Variants in IQSEC1 observed in about 807,000 individuals in gnomAD.
The protein encoded by IQSEC1 is IQ motif and Sec7 domain ArfGEF 1.
Under a neutral mutation model 91.0 loss-of-function variants are expected in IQSEC1, and 31 were observed. The ratio of observed to expected loss-of-function variants is 0.34; its 90% CI spans 0.26 to 0.46. The LOEUF is 0.46. Among genes scored for constraint, IQSEC1 ranks in the 20% least tolerant of loss-of-function variants. IQSEC1 has a pLI of 1.00. For synonymous variants in IQSEC1, 699 were observed against 662.6 expected (o/e 1.05, Z -0.84); for missense variants, 1,388 against 1,575.6 (o/e 0.88, Z 2.02).
chr3:12,906,765 G>C (rs1695032722), intron 12 of IQSEC1, among the ~76,000 whole-genome samples: 1 of 152,246 alleles, frequency 6.6e-6, no homozygotes, highest in African/African-American at 2.4e-5. Flanking sequence ...CCCTGGGGCG[G>C]ATGGCGCTCA....
At chr3:13,047,951 G>A (rs149260155) in intron 1 of IQSEC1, among the ~76,000 whole-genome samples, 39 of 152,238 alleles carry the variant, frequency 2.6e-4, no homozygotes, top group African/African-American at 7.2e-4. Flanking sequence ...CCTCCATGCC[G>A]GCAGCCCAGG....
At chr3:13,051,930 T>C (rs947101698) in intron 1 of IQSEC1, among the ~76,000 whole-genome samples, 5 of 152,030 alleles carry the variant, frequency 3.3e-5, no homozygotes, top group Non-Finnish European at 2.9e-5. Context: ...TATTTTGAAA[T>C]AACCATAGAT....
At chr3:13,053,069 C>T (rs772876462) in intron 1 of IQSEC1, 2 of 1,074,396 alleles carry the variant, frequency 1.9e-6, no homozygotes, top group Non-Finnish European at 2.9e-6. Context: ...GACGATTTTG[C>T]TTTATTTTCT....
At chr3:12,957,659 G>A (rs1044674526) in intron 1 of IQSEC1, among the ~76,000 whole-genome samples, 3 of 152,232 alleles carry the variant, frequency 2.0e-5, no homozygotes, top group Admixed American at 6.5e-5. Context: ...GATGCCCATC[G>A]CGCAGAAGGC....
intron 1 of IQSEC1, among the ~76,000 whole-genome samples, chr3:12,999,895 A>C (rs751877287): frequency 6.6e-6 from 1 of 152,144 alleles, no homozygotes; most frequent in Non-Finnish European, 1.5e-5. Flanking sequence ...TACACATTCG[A>C]TCACATCCCT....
intron 2 of IQSEC1, among the ~76,000 whole-genome samples, chr3:13,117,189 A>T (rs1706348927): frequency 6.6e-6 from 1 of 151,226 alleles, no homozygotes; most frequent in Non-Finnish European, 1.5e-5. Flanking sequence ...CAAAAAAGAT[A>T]CACAAATGGC....
rs899876837 is a variant in IQSEC1 at position 12,983,279 on chromosome 3, C to T, written c.24-41414G>A. On this transcript the variant is annotated intron_variant, in intron 1 of 13. Transcript: ENST00000613206. This position sits in a 1 kb window ranked among gnomAD's most constrained non-coding sequence, Gnocchi z 4.3. Reference sequence around the variant, plus strand: ...GTTGGGCATGGTGGCAAATTTAGATCAGATTAAAACGACAGCTCAGGGCAC... The same window carrying T: ...GTTGGGCATGGTGGCAAATTTAGATTAGATTAAAACGACAGCTCAGGGCAC... 3.3e-5 allele frequency among the ~76,000 whole-genome samples: 5 copies of T among 152,160 alleles called. No homozygotes were observed. Among genetic ancestry groups the T allele is most frequent in the African/African-American group, 4.8e-5 (2 of 41,440 alleles).
rs967311234 is a variant in IQSEC1 at position 12,899,396 on chromosome 3, G to A, written c.*1587C>T. 6.2e-7 allele frequency: 1 copy of A among 1,612,972 alleles called. No individual in the cohort carries two copies. Among genetic ancestry groups the A allele is most frequent in the African/African-American group, 1.3e-5 (1 of 74,938 alleles). ...AGTCCTCGGGTCCCATGGCTTAGGA[G>A]CACAGCACTGACGGCTGCAGTGGCT... On this transcript the variant is annotated 3_prime_UTR_variant, in exon 14 of 14. Transcript: ENST00000613206.
Position 12,932,111 on chromosome 3 carries a change from G to A in IQSEC1, c.1568+3337C>T, listed in dbSNP as rs1046247966. On this transcript the variant is annotated intron_variant, in intron 3 of 13. Coordinates refer to ENST00000613206, the MANE Select transcript of IQSEC1 (RefSeq NM_001134382.3). The stretch of plus-strand genomic sequence containing the variant: ...GGGAGGAATGTGACAGACAGAAAGT[G>A]GACATAGCCAGGCATGTACCCCTGA... Among the ~76,000 whole-genome samples, 7 of 152,228 alleles carry A rather than the reference G, an allele frequency of 4.6e-5. 1 individual carries two copies.
intron 2 of IQSEC1, among the ~76,000 whole-genome samples, chr3:13,092,735 C>T (rs1457892817): frequency 6.6e-6 from 1 of 152,210 alleles, no homozygotes; most frequent in Admixed American, 6.5e-5. Context: ...GGCCTCTTCG[C>T]GTAAAACAGT....
chr3:13,262,657 A>G (rs557503968), intron 1 of IQSEC1, among the ~76,000 whole-genome samples: 26 of 152,338 alleles, frequency 1.7e-4, no homozygotes, highest in African/African-American at 4.6e-4. Context: ...AGGTGGAAAC[A>G]CCCAACTGTG....
chr3:13,014,863 T>C (rs922990679), intron 1 of IQSEC1, among the ~76,000 whole-genome samples: 3 of 152,150 alleles, frequency 2.0e-5, no homozygotes, highest in Non-Finnish European at 4.4e-5. Context: ...AGAAAGATAC[T>C]GAACTTGTCA....
At chr3:13,164,575 A>G (rs1337848470) in intron 1 of IQSEC1, among the ~76,000 whole-genome samples, 1 of 152,212 alleles carries the variant, frequency 6.6e-6, no homozygotes, top group Non-Finnish European at 1.5e-5. Context: ...TGGTATTTCC[A>G]GTGTTATTTC....
At chr3:13,149,902 A>T (rs2124957069) in intron 2 of IQSEC1, among the ~76,000 whole-genome samples, 1 of 152,304 alleles carries the variant, frequency 6.6e-6, no homozygotes, top group South Asian at 2.1e-4. Context: ...GTTTATAGGA[A>T]ATGAAAACTG....
intron 1 of IQSEC1, among the ~76,000 whole-genome samples, chr3:13,278,537 G>A (rs950400646): frequency 2.0e-5 from 3 of 152,214 alleles, no homozygotes; most frequent in Admixed American, 6.5e-5. Context: ...GCTGGGGGGA[G>A]GCTGGGTGTG....
chr3:13,277,257 C>A (rs994184285), intron 1 of IQSEC1, among the ~76,000 whole-genome samples: 3 of 152,096 alleles, frequency 2.0e-5, no homozygotes, highest in African/African-American at 7.2e-5. Flanking sequence ...TGACTCCAGG[C>A]CCCTCCAACG....
upstream of IQSEC1, among the ~76,000 whole-genome samples, chr3:13,074,386 A>G (rs925855842): frequency 5.3e-5 from 8 of 152,074 alleles, no homozygotes; most frequent in Admixed American, 5.2e-4. Context: ...AGAAGCGCAC[A>G]TCCATCCTCG....
chr3:12,941,365 C>T (rs1054351817), intron 2 of IQSEC1, among the ~76,000 whole-genome samples: 6 of 152,232 alleles, frequency 3.9e-5, no homozygotes, highest in South Asian at 4.1e-4. Flanking sequence ...CCTTCATACA[C>T]GCCAGCCAGA....
intron 1 of IQSEC1, among the ~76,000 whole-genome samples, chr3:13,196,256 C>A (rs1694123016): frequency 6.6e-6 from 1 of 152,198 alleles, no homozygotes; most frequent in Non-Finnish European, 1.5e-5. Flanking sequence ...ACGTTAGTGA[C>A]AGAGCCTTCA....
Sources: allele counts gnomAD v4.1 joint callset (sites outside exome capture counted in the v4.1 genomes callset), GRCh38; gene constraint gnomAD v4.1.1; non-coding constraint Gnocchi (gnomAD v3.1); transcripts MANE v1.5; gene names NCBI Gene and HGNC (gene_info 2026-07-23, HGNC 2026-07-21).